The following GRID1 variants were observed in gnomAD, a reference collection of about 807,000 sequenced individuals.
GRID1 encodes glutamate ionotropic receptor delta type subunit 1.
GRID1 carries 28 observed loss-of-function variants against 98.0 expected under a neutral mutation model. The observed-to-expected ratio is 0.29, with a 90% confidence interval of 0.21 to 0.39. The LOEUF is 0.39. Among genes scored for constraint, GRID1 ranks in the 10% least tolerant of loss-of-function variants. The pLI is 1.00. For missense variants in GRID1, 1,111 were observed against 1,340.5 expected, an observed-to-expected ratio of 0.83 and a Z score of 2.67; for synonymous variants, 553 against 538.5, an observed-to-expected ratio of 1.03 and a Z score of -0.37.
intron 3 of GRID1, among the ~76,000 whole-genome samples, chr10:86,144,567 G>A (rs1029856959): frequency 1.3e-5 from 2 of 152,014 alleles, no homozygotes; most frequent in African/African-American, 2.4e-5. Flanking sequence ...CAGCCTCCAT[G>A]ACTCTGCTCT....
At chr10:86,028,383 T>C (rs1223353123) in intron 4 of GRID1, among the ~76,000 whole-genome samples, 1 of 152,208 alleles carries the variant, frequency 6.6e-6, no homozygotes, top group Non-Finnish European at 1.5e-5. Context: ...GCCATGGGAT[T>C]AGAAGCCAGG....
chr10:85,913,606 A>G (rs1048622031), intron 5 of GRID1, among the ~76,000 whole-genome samples: 1 of 152,116 alleles, frequency 6.6e-6, no homozygotes, highest in Non-Finnish European at 1.5e-5. Context: ...CCTGGCCAAC[A>G]TGATAAAACC....
intron 6 of GRID1, 50 bp downstream of exon 6, chr10:85,868,959 TG>T: frequency 2.0e-6 from 3 of 1,527,038 alleles, no homozygotes; most frequent in Non-Finnish European, 2.7e-6. Flanking sequence ...GCCAAGGGTG[TG>T]GGTGAGACTC....
rs115566391 is a variant in GRID1 at position 85,826,513 on chromosome 10, C to T, written c.1233+27983G>A. ...AGCAACTGTGACCCTCCCCCGTCCC[C>T]CACCCTGTTGTTGCGGGCGTAAGCA... On this transcript the variant is annotated intron_variant, in intron 8 of 15. Transcript: ENST00000327946. Among the ~76,000 whole-genome samples the T allele has an allele frequency of 6.1e-3, 928 of 152,218 alleles. 8 individuals carry two copies. The highest frequency in any genetic ancestry group is 0.021 in the African/African-American group (857 of 41,532).
chr10:86,133,019 T>C (rs1844861624), intron 4 of GRID1, among the ~76,000 whole-genome samples: 1 of 152,250 alleles, frequency 6.6e-6, no homozygotes, highest in Non-Finnish European at 1.5e-5. Flanking sequence ...TTCTTTCTCC[T>C]GTTCTTCCCT....
At chr10:86,339,634 T>A (rs1848281869) in intron 2 of GRID1, among the ~76,000 whole-genome samples, 1 of 152,200 alleles carries the variant, frequency 6.6e-6, no homozygotes, top group South Asian at 2.1e-4. Context: ...CAGCTGCACC[T>A]TTCTGAGGAA....
At chr10:85,865,971 A>ATATATATATATATACATATATATG (rs1564613351) in intron 6 of GRID1, among the ~76,000 whole-genome samples, 7 of 107,698 alleles carry the variant, frequency 6.5e-5, no homozygotes, top group Non-Finnish European at 1.2e-4. Flanking sequence ...AGAGAGAGAG[A>ATATATATATATATACATATATATG]GAGAGAGAGA....
At chr10:85,678,412 G>C (rs1173625625) in intron 12 of GRID1, among the ~76,000 whole-genome samples, 1 of 152,128 alleles carries the variant, frequency 6.6e-6, no homozygotes, top group Non-Finnish European at 1.5e-5. Flanking sequence ...CTGGGCTGTG[G>C]TTCTCTTCAG....
Position 85,723,541 on chromosome 10 carries a change from T to C in GRID1, c.1859-400A>G, listed in dbSNP as rs1271883784. Among the ~76,000 whole-genome samples, 3 of 152,320 alleles carry C rather than the reference T, an allele frequency of 2.0e-5. No homozygotes were observed. In the East Asian group the frequency reaches 5.8e-4, roughly 29 times the overall value. The stretch of plus-strand genomic sequence containing the variant: ...TCATATATAGCAGACTCGGGAATTC[T>C]GTAAATATAGAAATAACTCCTACTA... On this transcript the variant is annotated intron_variant, in intron 11 of 15. Transcript: ENST00000327946.
At chr10:86,054,116 C>T (rs1392182884) in intron 4 of GRID1, among the ~76,000 whole-genome samples, 1 of 152,172 alleles carries the variant, frequency 6.6e-6, no homozygotes, top group East Asian at 1.9e-4. Flanking sequence ...CCTGAAAATG[C>T]CTTCTCAGAA....
chr10:85,923,861 G>A (rs947828480), intron 4 of GRID1, among the ~76,000 whole-genome samples: 4 of 152,158 alleles, frequency 2.6e-5, no homozygotes, highest in Non-Finnish European at 5.9e-5. Flanking sequence ...GATAGTGGGG[G>A]CCTGGAGAGC....
intron 12 of GRID1, chr10:85,648,032 T>C (rs761437638): frequency 1.3e-5 from 2 of 152,182 alleles, no homozygotes; most frequent in Non-Finnish European, 2.9e-5. Flanking sequence ...ACCAATTTGG[T>C]CTTTGAAAAA....
chr10:85,701,250 G>A (rs1841448182), intron 12 of GRID1, among the ~76,000 whole-genome samples: 1 of 152,152 alleles, frequency 6.6e-6, no homozygotes, highest in Non-Finnish European at 1.5e-5. Context: ...GTAATTCAGA[G>A]CAGTAACAAC....
chr10:85,890,306 C>T (rs1357827557), intron 5 of GRID1, among the ~76,000 whole-genome samples: 1 of 151,916 alleles, frequency 6.6e-6, no homozygotes, highest in East Asian at 1.9e-4. Context: ...ATGTTCTCAC[C>T]ACAAGGAAAT....
At chr10:86,265,881 A>G (rs1847095729) in intron 2 of GRID1, among the ~76,000 whole-genome samples, 1 of 140,596 alleles carries the variant, frequency 7.1e-6, no homozygotes, top group Non-Finnish European at 1.6e-5. Context: ...AGGATCTGCA[A>G]AGTCGCTGAT....
intron 4 of GRID1, among the ~76,000 whole-genome samples, chr10:86,024,381 T>C (rs148514440): frequency 6.6e-6 from 1 of 152,148 alleles, no homozygotes; most frequent in African/African-American, 2.4e-5. Flanking sequence ...TAGGATAGAG[T>C]GCAGGGGCCT....
intron 8 of GRID1, among the ~76,000 whole-genome samples, chr10:85,746,473 G>A (rs111431184): frequency 7.4e-4 from 112 of 152,184 alleles, no homozygotes; most frequent in African/African-American, 2.6e-3. Context: ...AATATTGATT[G>A]GTTTTATTTG....
At chr10:85,951,795 A>G (rs1842128961) in intron 4 of GRID1, among the ~76,000 whole-genome samples, 1 of 152,056 alleles carries the variant, frequency 6.6e-6, no homozygotes, top group African/African-American at 2.4e-5. Flanking sequence ...CCTTCCCTGG[A>G]GTAATCAAAG....
At chr10:85,654,115 A>G (rs1840864861) in intron 12 of GRID1, among the ~76,000 whole-genome samples, 1 of 152,108 alleles carries the variant, frequency 6.6e-6, no homozygotes, top group Admixed American at 6.5e-5. Flanking sequence ...AGGAAAATGC[A>G]CGCTTCCATA....
Sources: allele counts gnomAD v4.1 joint callset (sites outside exome capture counted in the v4.1 genomes callset), GRCh38; gene constraint gnomAD v4.1.1; transcripts MANE v1.5; gene names NCBI Gene and HGNC (gene_info 2026-07-23, HGNC 2026-07-21).